PRKG1: variants seen among roughly 807,000 people sequenced by gnomAD.
PRKG1 encodes protein kinase cGMP-dependent 1.
In PRKG1, 35 loss-of-function variants were observed where a neutral mutation model predicts 88.1. The observed-to-expected ratio is 0.40, with a 90% CI of 0.30 to 0.53. PRKG1 has a LOEUF of 0.53. PRKG1 is among the 20% of genes least tolerant of loss of function. The probability of loss-of-function intolerance (pLI) is 0.59; values close to 1 mark genes in which losing one functional copy is unlikely to be tolerated. For synonymous variants in PRKG1, 303 were observed against 292.5 expected (o/e 1.04, Z -0.37); for missense variants, 540 against 839.8 (o/e 0.64, Z 4.41).
chr10:51,284,147 G>A (rs74133557), intron 2 of PRKG1, among the ~76,000 whole-genome samples: 1 of 152,054 alleles, frequency 6.6e-6, no homozygotes, highest in Non-Finnish European at 1.5e-5. Flanking sequence ...TTTTCAAATT[G>A]CTCACATTAA....
intron 3 of PRKG1, among the ~76,000 whole-genome samples, chr10:51,626,498 G>A (rs934727426): frequency 3.3e-5 from 5 of 151,872 alleles, no homozygotes; most frequent in African/African-American, 1.2e-4. Flanking sequence ...GAAATCCTAG[G>A]GGGAATTTTT....
Position 51,609,386 on chromosome 10 carries a change from G to A in PRKG1, c.592+141550G>A, listed in dbSNP as rs577817303. On this transcript the variant is annotated intron_variant, in intron 3 of 17. Transcript: ENST00000373980. ...AATATTGTTAAAAATTTACACTTTTGGTGAGAATGTAAATTAGTTCAACCA... is the reference window on the plus strand; with the variant it reads ...AATATTGTTAAAAATTTACACTTTTAGTGAGAATGTAAATTAGTTCAACCA... Among the ~76,000 whole-genome samples, 9 of 152,162 alleles carry A rather than the reference G, an allele frequency of 5.9e-5. No homozygotes were observed. The South Asian group carries it at 1.9e-3, about 32-fold the overall frequency.
At chr10:52,159,901 A>G (rs1437367084) in intron 8 of PRKG1, among the ~76,000 whole-genome samples, 1 of 151,920 alleles carries the variant, frequency 6.6e-6, no homozygotes, top group Non-Finnish European at 1.5e-5. Context: ...GTTTTCCTAC[A>G]TAATATTATT....
intron 2 of PRKG1, among the ~76,000 whole-genome samples, chr10:51,410,268 A>ATG (rs755621225): frequency 1.4e-5 from 2 of 139,566 alleles, no homozygotes; most frequent in South Asian, 2.3e-4. Context: ...GTATATATAT[A>ATG]TATGTGTGTG....
At chr10:51,963,479 A>C (rs1843494328) in intron 5 of PRKG1, among the ~76,000 whole-genome samples, 1 of 151,980 alleles carries the variant, frequency 6.6e-6, no homozygotes. Flanking sequence ...TTATTTTTTA[A>C]GAGAGAGTCT....
intron 2 of PRKG1, among the ~76,000 whole-genome samples, chr10:51,289,948 C>A (rs924870759): frequency 6.6e-6 from 1 of 152,088 alleles, no homozygotes; most frequent in Non-Finnish European, 1.5e-5. Context: ...ATGTCCATGC[C>A]TCCTTTTTGG....
In PRKG1 at chr10:51,725,622, T is replaced by C. The variant is rs544294783; in HGVS notation, c.593-78963T>C. On this transcript the variant is annotated intron_variant, in intron 3 of 17. Coordinates refer to ENST00000373980, the MANE Select transcript of PRKG1 (RefSeq NM_006258.4). The stretch of plus-strand genomic sequence containing the variant: ...TGGAATCATAGAAGAATTTCTTTTT[T>C]CTTTTCTTTTTTTTTTTTGTGGGGG... 2.0e-3 allele frequency among the ~76,000 whole-genome samples: 227 copies of C among 114,784 alleles called. 1 individual carries two copies. The highest frequency in any genetic ancestry group is 7.8e-3 in the African/African-American group (217 of 27,754). The allele number at this position is 114,784 out of a possible 152,430, so 75.3% of individuals were successfully genotyped here.
chr10:51,058,501 T>C (rs1843658288), intron 1 of PRKG1, among the ~76,000 whole-genome samples: 1 of 152,090 alleles, frequency 6.6e-6, no homozygotes, highest in South Asian at 2.1e-4. Flanking sequence ...AGTAGTACAT[T>C]TGTTACAATC....
At chr10:52,001,340 G>A (rs1193157236) in intron 5 of PRKG1, among the ~76,000 whole-genome samples, 1 of 147,880 alleles carries the variant, frequency 6.8e-6, no homozygotes, top group Non-Finnish European at 1.5e-5. Flanking sequence ...AATTTGCTAA[G>A]AGATATTTCA....
chr10:51,902,688 A>G (rs943449522), intron 4 of PRKG1, among the ~76,000 whole-genome samples: 2 of 152,166 alleles, frequency 1.3e-5, no homozygotes, highest in African/African-American at 4.8e-5. Context: ...TGCTAATAGC[A>G]TACTAATTTC....
intron 3 of PRKG1, among the ~76,000 whole-genome samples, chr10:51,618,089 A>G (rs745685955): frequency 7.2e-5 from 11 of 152,122 alleles, no homozygotes; most frequent in African/African-American, 9.7e-5. Context: ...TTTTTGGTTC[A>G]GAGCGTCTGG....
chr10:51,275,695 C>A (rs1206624909), intron 2 of PRKG1, among the ~76,000 whole-genome samples: 1 of 152,120 alleles, frequency 6.6e-6, no homozygotes, highest in African/African-American at 2.4e-5. Context: ...GGTACATTCC[C>A]TGTATATACA....
At chr10:51,998,270 T>C (rs1844502846) in intron 5 of PRKG1, among the ~76,000 whole-genome samples, 1 of 152,186 alleles carries the variant, frequency 6.6e-6, no homozygotes, top group Admixed American at 6.5e-5. Context: ...TTCCCTCTCA[T>C]TGGTGATTAT....
intron 2 of PRKG1, among the ~76,000 whole-genome samples, chr10:51,335,602 G>A (rs564022058): frequency 6.6e-6 from 1 of 152,008 alleles, no homozygotes; most frequent in African/African-American, 2.4e-5. Flanking sequence ...CACGATGTCG[G>A]CTTACTGCAA....
Position 51,241,252 on chromosome 10 carries a change from T to C in PRKG1, c.478+87922T>C, listed in dbSNP as rs553512525. On this transcript the variant is annotated intron_variant, in intron 2 of 17. Transcript: ENST00000373980. Reference sequence around the variant, plus strand: ...TTCTTAAGGCTCTACCCCAAGACAATAGTCACGGCGTCATGGCACAGGCAG... The same window carrying C: ...TTCTTAAGGCTCTACCCCAAGACAACAGTCACGGCGTCATGGCACAGGCAG... 4.6e-5 allele frequency among the ~76,000 whole-genome samples: 7 copies of C among 151,342 alleles called. No individual in the cohort carries two copies. The South Asian group carries it at 1.3e-3, about 27-fold the overall frequency.
chr10:52,176,171 CTCT>C lies in PRKG1; in HGVS notation c.1076+14210_1076+14212del, dbSNP rs1838860226. Among the ~76,000 whole-genome samples the C allele has an allele frequency of 9.0e-5, 10 of 111,218 alleles. No individual in the cohort carries two copies. In the Admixed American group the frequency reaches 1.0e-3, roughly 11 times the overall value. 73.0% of individuals were successfully genotyped at this position (111,218 alleles called of 152,430 possible). On this transcript the variant is annotated intron_variant, in intron 9 of 17. Coordinates refer to ENST00000373980, the MANE Select transcript of PRKG1 (RefSeq NM_006258.4). ...GATCGATTTTGAGTTTTTTCTTTTT[CTCT>C]TTTTTTTTTTTTTTTTTTTTGTAGG...
rs1158375223 is a variant in PRKG1 at position 51,881,290 on chromosome 10, AAAC to A, written c.699-26211_699-26209del. Among the ~76,000 whole-genome samples the A allele has an allele frequency of 4.6e-5, 7 of 152,330 alleles. No homozygotes were observed. The East Asian group carries it at 1.2e-3, about 25-fold the overall frequency. ...AGCTAACCCAAACCTTAGACTGTTA[AAAC>A]AACAATTTGTTATTTCTCATGATTA... On this transcript the variant is annotated intron_variant, in intron 4 of 17. Coordinates refer to ENST00000373980, the MANE Select transcript of PRKG1 (RefSeq NM_006258.4).
chr10:51,591,727 T>C (rs1014878277), intron 3 of PRKG1, among the ~76,000 whole-genome samples: 2 of 152,146 alleles, frequency 1.3e-5, no homozygotes, highest in African/African-American at 2.4e-5. Flanking sequence ...TTTACATAGA[T>C]GCACAGTTCC....
chr10:51,574,807 T>A (rs1837843079), intron 3 of PRKG1, among the ~76,000 whole-genome samples: 2 of 151,878 alleles, frequency 1.3e-5, no homozygotes, highest in Non-Finnish European at 2.9e-5. Context: ...TGAAGCACAT[T>A]TTATATACAT....
Sources: allele counts gnomAD v4.1 joint callset (sites outside exome capture counted in the v4.1 genomes callset), GRCh38; gene constraint gnomAD v4.1.1; transcripts MANE v1.5; gene names NCBI Gene and HGNC (gene_info 2026-07-23, HGNC 2026-07-21).